The following STAB2 variants were observed in gnomAD, a reference collection of about 807,000 sequenced individuals.
The protein encoded by STAB2 is stabilin-2.
In STAB2, 288 loss-of-function variants were observed where a neutral mutation model predicts 338.1. The observed-to-expected ratio is 0.85, with a 90% CI of 0.77 to 0.94. STAB2 has a LOEUF of 0.94. STAB2 is among the 40% of genes least tolerant of loss of function. The probability of loss-of-function intolerance (pLI) is 0.00; values close to 1 mark genes in which losing one functional copy is unlikely to be tolerated. For synonymous variants in STAB2, 1,202 were observed against 1,193.3 expected (o/e 1.01, Z -0.15); for missense variants, 3,141 against 3,210.1 (o/e 0.98, Z 0.52).
intron 3 of STAB2, among the ~76,000 whole-genome samples, chr12:103,620,086 G>A (rs1957274881): frequency 6.6e-6 from 1 of 152,122 alleles, no homozygotes; most frequent in Non-Finnish European, 1.5e-5. Flanking sequence ...TAAAGTCCTA[G>A]CTTTACAACT....
chr12:103,636,185 T>C (rs966627766), intron 6 of STAB2, among the ~76,000 whole-genome samples: 1 of 150,948 alleles, frequency 6.6e-6, no homozygotes, highest in East Asian at 2.0e-4. Context: ...CTCCTAATGC[T>C]ATCCATCCCC....
At position 103,726,104 on chromosome 12, in the gene STAB2, C is replaced by T; in HGVS notation, c.4804-12C>T. On this transcript the variant is annotated splice_polypyrimidine_tract_variant and intron_variant, in intron 45 of 68. Coordinates refer to ENST00000388887, the MANE Select transcript of STAB2 (RefSeq NM_017564.10). Reference sequence around the variant, plus strand: ...TTCACAGGCATTAAGTGAAACTACTCTTTGTTTGCAGGAGCTTCCCAAGAA... The same window carrying T: ...TTCACAGGCATTAAGTGAAACTACTTTTTGTTTGCAGGAGCTTCCCAAGAA... 2 of 1,613,838 alleles carry T rather than the reference C, an allele frequency of 1.2e-6. No homozygotes were observed. The highest frequency in any genetic ancestry group is 1.7e-6 in the Non-Finnish European group (2 of 1,179,812).
intron 25 of STAB2, among the ~76,000 whole-genome samples, chr12:103,679,385 A>AG (rs371350330): frequency 3.3e-5 from 5 of 151,812 alleles, no homozygotes; most frequent in African/African-American, 7.3e-5. Flanking sequence ...GAAAAAAAAA[A>AG]GGGGGGTCAA....
chr12:103,646,321 G>A (rs1419471912), intron 9 of STAB2, among the ~76,000 whole-genome samples: 1 of 152,094 alleles, frequency 6.6e-6, no homozygotes, highest in Non-Finnish European at 1.5e-5. Context: ...TTCTATCATG[G>A]CACTTACAAT....
rs557937882 is a variant in STAB2, at chr12:103,685,473, C to T, written c.2997+389C>T. ...GTGTGTGCGCGTGCGTGTGTGTGTGCGTGCGCGCATGTGTGTGTGTGTGTA... is the reference window on the plus strand; with the variant it reads ...GTGTGTGCGCGTGCGTGTGTGTGTGTGTGCGCGCATGTGTGTGTGTGTGTA... On this transcript the variant is annotated intron_variant, in intron 27 of 68. Coordinates refer to ENST00000388887, the MANE Select transcript of STAB2 (RefSeq NM_017564.10). Among the ~76,000 whole-genome samples, 171 of 137,922 alleles carry T rather than the reference C, an allele frequency of 1.2e-3. 3 individuals are homozygous for T. Among genetic ancestry groups the T allele is most frequent in the Admixed American group, 1.6e-3 (20 of 12,794 alleles). The allele number at this position is 137,922 out of a possible 152,430, so 90.5% of individuals were successfully genotyped here.
intron 37 of STAB2, 61 bp from the exon 38 acceptor site, chr12:103,706,731 C>G: frequency 6.3e-7 from 1 of 1,598,768 alleles, no homozygotes; most frequent in Non-Finnish European, 8.5e-7. Flanking sequence ...GATTTCTACA[C>G]CGAGGCTGGA....
At chr12:103,666,430 C>T in intron 19 of STAB2, 77 bp downstream of exon 19, 2 of 1,458,596 alleles carry the variant, frequency 1.4e-6, no homozygotes, top group Non-Finnish European at 1.9e-6. Flanking sequence ...TATCTACCTT[C>T]CTTCTTTAGA....
At chr12:103,663,588 T>C (rs1874813373) in intron 18 of STAB2, among the ~76,000 whole-genome samples, 1 of 152,140 alleles carries the variant, frequency 6.6e-6, no homozygotes, top group Admixed American at 6.5e-5. Context: ...ACTTAAGCGA[T>C]CCTCTCATCT....
chr12:103,641,131 C>T (rs1872895679), intron 9 of STAB2, among the ~76,000 whole-genome samples: 1 of 152,222 alleles, frequency 6.6e-6, no homozygotes, highest in African/African-American at 2.4e-5. Flanking sequence ...CGAACCATAG[C>T]ATGATAAAAC....
intron 10 of STAB2, 89 bp downstream of exon 10, chr12:103,648,912 C>A: frequency 3.9e-6 from 6 of 1,525,940 alleles, no homozygotes; most frequent in Non-Finnish European, 5.3e-6. Flanking sequence ...AAGGGACAGG[C>A]GAGCCTTGTC....
intron 29 of STAB2, among the ~76,000 whole-genome samples, 155 bp from the exon 30 acceptor site, chr12:103,690,269 G>C (rs1877809644): frequency 6.6e-6 from 1 of 152,230 alleles, no homozygotes; most frequent in African/African-American, 2.4e-5. Context: ...GCACAGCGTG[G>C]TTGAGTAACT....
chr12:103,614,929 G>T (rs182964536), intron 3 of STAB2, among the ~76,000 whole-genome samples: 5 of 152,324 alleles, frequency 3.3e-5, no homozygotes, highest in African/African-American at 1.2e-4. Flanking sequence ...TATTTGGTAG[G>T]TGTTAAGTGT....
intron 3 of STAB2, among the ~76,000 whole-genome samples, chr12:103,601,661 C>A (rs1025862191): frequency 6.6e-6 from 1 of 152,152 alleles, no homozygotes; most frequent in African/African-American, 2.4e-5. Context: ...CAATGCTTTG[C>A]TAGATGGCTA....
chr12:103,756,360 G>A (rs773986968), intron 63 of STAB2, among the ~76,000 whole-genome samples: 1 of 152,218 alleles, frequency 6.6e-6, no homozygotes, highest in Non-Finnish European at 1.5e-5. Context: ...GAGCATTTAA[G>A]AGGACATTTC....
intron 49 of STAB2, among the ~76,000 whole-genome samples, chr12:103,730,646 A>C (rs1223939546): frequency 6.6e-6 from 1 of 151,730 alleles, no homozygotes; most frequent in Non-Finnish European, 1.5e-5. Flanking sequence ...ACACTTAGAC[A>C]AAAAAAAGTT....
intron 41 of STAB2, among the ~76,000 whole-genome samples, 190 bp from the exon 42 acceptor site, chr12:103,713,453 A>G (rs1017083190): frequency 1.3e-5 from 2 of 152,224 alleles, no homozygotes; most frequent in African/African-American, 2.4e-5. Context: ...CAGAATGCTA[A>G]TAAAAGCAGC....
At chr12:103,765,937 G>GA (rs1884922374) in intron 68 of STAB2, 2 of 379,370 alleles carry the variant, frequency 5.3e-6, no homozygotes, top group Admixed American at 7.4e-5. Context: ...AATATTATTA[G>GA]CCACCTTTTG....
At position 103,673,932 on chromosome 12, in the gene STAB2, C is replaced by T; in HGVS notation, c.2397C>T (p.Cys799=). 1 of 1,613,598 alleles carries T rather than the reference C, an allele frequency of 6.2e-7. No homozygotes were observed. The highest frequency in any genetic ancestry group is 8.5e-7 in the Non-Finnish European group (1 of 1,179,654). The change falls in exon 23 of 69, where the codon TGC becomes TGT. Residue 799 remains cysteine (C), a synonymous_variant. Transcript: ENST00000388887. ...NKKCLCVHGT[C]NNRIDSDGAC... ...AATGCCTGTGCGTTCACGGAACATGCAATAACAGGATAGACAGCGATGGGG... is the reference window on the plus strand; with the variant it reads ...AATGCCTGTGCGTTCACGGAACATGTAATAACAGGATAGACAGCGATGGGG...
chr12:103,732,966 C>G (rs369515603), intron 50 of STAB2, 40 bp from the exon 51 acceptor site: 15 of 1,601,912 alleles, frequency 9.4e-6, no homozygotes, highest in Non-Finnish European at 1.3e-5. Flanking sequence ...ATGTCTGGGC[C>G]TTGCTCAAGC....
Sources: gnomAD v4.1 joint callset for allele counts (sites outside exome capture counted in the v4.1 genomes callset) on GRCh38, gnomAD v4.1.1 for gene constraint, MANE v1.5 for transcripts, NCBI Gene and HGNC (gene_info 2026-07-23, HGNC 2026-07-21) for gene names.